Variants in BEST3 observed in about 807,000 individuals in gnomAD.
BEST3 encodes bestrophin 3, also known as bestrophin-3.
A neutral mutation model predicts 47.1 loss-of-function variants in BEST3; 50 were observed. The observed-to-expected ratio is 1.06, with a 90% confidence interval of 0.85 to 1.34. The LOEUF is 1.34. BEST3 is among the 40% of genes most tolerant of loss of function. The pLI is 0.00. For synonymous variants in BEST3, 282 were observed against 298.8 expected (o/e 0.94, Z 0.58); for missense variants, 765 against 817.0 (o/e 0.94, Z 0.78).
chr12:69,694,764 G>A (rs1046967635), intron 2 of BEST3, among the ~76,000 whole-genome samples: 1 of 151,992 alleles, frequency 6.6e-6, no homozygotes, highest in Non-Finnish European at 1.5e-5. Context: ...TTAGAGCAAG[G>A]TATGTTACAA....
At chr12:69,668,591 T>G (rs1884371825) in intron 9 of BEST3, among the ~76,000 whole-genome samples, 1 of 152,216 alleles carries the variant, frequency 6.6e-6, no homozygotes, top group Non-Finnish European at 1.5e-5. Context: ...CTTCTATGAT[T>G]TTAGAGAACA....
chr12:69,678,806 T>C lies in BEST3; in HGVS notation c.569A>G (p.Asn190Ser). The change falls in exon 5 of 10, where the codon AAT (asparagine) becomes AGT (serine). Residue 190 changes from asparagine to serine, a missense_variant. Physicochemically the swap from Asn to Ser is conservative, Grantham distance 46 (BLOSUM62 1). Transcript: ENST00000330891. The stretch of plus-strand genomic sequence containing the variant: ...TTCATTCCGGGCTTTAGTTGCAAGA[T>C]TTCCAAACCAGATGAATGGAACCCA... ...KYWVPFIWFGNLATKARNEGR... is the reference protein window; with the variant it reads ...KYWVPFIWFGSLATKARNEGR... 1 of 1,614,114 alleles carries C rather than the reference T, an allele frequency of 6.2e-7. No homozygotes were observed. Among genetic ancestry groups the C allele is most frequent in the East Asian group, 2.2e-5 (1 of 44,868 alleles).
intron 9 of BEST3, among the ~76,000 whole-genome samples, chr12:69,665,006 G>T (rs1884101948): frequency 6.6e-6 from 1 of 152,198 alleles, no homozygotes; most frequent in African/African-American, 2.4e-5. Flanking sequence ...TCTGCTAAAA[G>T]GGATGCCAAG....
At chr12:69,664,055 T>C (rs1400473565) in intron 9 of BEST3, among the ~76,000 whole-genome samples, 1 of 152,204 alleles carries the variant, frequency 6.6e-6, no homozygotes, top group East Asian at 1.9e-4. Context: ...TAGTAAATGC[T>C]CAAGACTGGC....
chr12:69,681,700 C>T lies in BEST3; in HGVS notation c.482-2807G>A, dbSNP rs537953379. Among the ~76,000 whole-genome samples, 55 of 152,220 alleles carry T rather than the reference C, an allele frequency of 3.6e-4. 1 individual carries two copies. The highest frequency in any genetic ancestry group is 3.4e-3 in the Middle Eastern group (1 of 294). On this transcript the variant is annotated intron_variant, in intron 4 of 9. Transcript: ENST00000330891. ...ATTAAATATGGAGAGGCCTGGACCCCGACCCTGACTACTAAATCAGACTCA... is the reference window on the plus strand; with the variant it reads ...ATTAAATATGGAGAGGCCTGGACCCTGACCCTGACTACTAAATCAGACTCA...
intron 9 of BEST3, among the ~76,000 whole-genome samples, chr12:69,659,110 G>A (rs1005682850): frequency 6.6e-6 from 1 of 152,126 alleles, no homozygotes; most frequent in Admixed American, 6.5e-5. Context: ...TCAGTGCTCT[G>A]GGGGGCAGTT....
intron 7 of BEST3, among the ~76,000 whole-genome samples, chr12:69,676,367 C>T (rs34765929): frequency 0.015 from 2,190 of 150,972 alleles, 33 homozygotes; most frequent in Non-Finnish European, 0.024. Context: ...GCTGAGATTG[C>T]GTTACTGTAC....
chr12:69,697,058 C>G (rs1886157120), intron 2 of BEST3, among the ~76,000 whole-genome samples: 1 of 152,084 alleles, frequency 6.6e-6, no homozygotes, highest in Non-Finnish European at 1.5e-5. Flanking sequence ...GAATAAGCAC[C>G]TCCTTTTGTG....
In BEST3 at chr12:69,697,770, G is replaced by C. The variant is rs758055838; in HGVS notation, c.29C>G (p.Ala10Gly). 6.2e-7 allele frequency: 1 copy of C among 1,612,548 alleles called. No homozygotes were observed. The highest frequency in any genetic ancestry group is 8.5e-7 in the Non-Finnish European group (1 of 1,179,360). ...ATGAAATCCAAAAAAAGTTGCATTT[G>C]CTACTTTACTGGAGTAAGTGACAGT... is the stretch of plus-strand genomic sequence containing the variant. MTVTYSSKVANATFFGFHRL... is the reference protein window; with the variant it reads MTVTYSSKVGNATFFGFHRL... Residue 10 changes from alanine to glycine, a missense_variant, in exon 2 of 10, where the codon GCA becomes GGA. Ala to Gly is a moderately conservative substitution (Grantham distance 60). Coordinates refer to ENST00000330891, the MANE Select transcript of BEST3 (RefSeq NM_032735.3).
chr12:69,651,749 C>T (rs1290482083), downstream of BEST3, among the ~76,000 whole-genome samples: 2 of 142,744 alleles, frequency 1.4e-5, no homozygotes, highest in Admixed American at 1.5e-4. Flanking sequence ...CACTCCAGCT[C>T]TGGGCGACAA....
At chr12:69,674,129 G>T (rs1376715314) in intron 7 of BEST3, among the ~76,000 whole-genome samples, 1 of 151,960 alleles carries the variant, frequency 6.6e-6, no homozygotes, top group Non-Finnish European at 1.5e-5. Context: ...TTTACATTGA[G>T]TCTAGATGGA....
chr12:69,668,102 G>A (rs1884340864), intron 9 of BEST3, among the ~76,000 whole-genome samples: 1 of 152,212 alleles, frequency 6.6e-6, no homozygotes, highest in Non-Finnish European at 1.5e-5. Flanking sequence ...CAGCGCTGTT[G>A]AATGTGCTGG....
chr12:69,699,073 T>C (rs1886230798), intron 1 of BEST3, 132 bp downstream of exon 1: 3 of 435,080 alleles, frequency 6.9e-6, no homozygotes, highest in African/African-American at 2.1e-5. Flanking sequence ...TAGTTTTAAA[T>C]AACAGTCCTT....
rs113091540 is a variant in BEST3 at position 69,682,607 on chromosome 12, C to T, written c.482-3714G>A. On this transcript the variant is annotated intron_variant, in intron 4 of 9. Transcript: ENST00000330891. ...TCAATTTTTAATGGGACAGAGTCTCCGTCTGTCATCCAGACTGGAGTGCAG... is the reference window on the plus strand; with the variant it reads ...TCAATTTTTAATGGGACAGAGTCTCTGTCTGTCATCCAGACTGGAGTGCAG... Among the ~76,000 whole-genome samples the T allele has an allele frequency of 9.0e-3, 1,368 of 152,118 alleles. 24 individuals carry two copies. The highest frequency in any genetic ancestry group is 0.031 in the African/African-American group (1,281 of 41,490).
At chr12:69,689,859 G>A (rs1405010777) in intron 4 of BEST3, among the ~76,000 whole-genome samples, 2 of 152,172 alleles carry the variant, frequency 1.3e-5, no homozygotes, top group East Asian at 3.9e-4. Flanking sequence ...CCCTCAAGCT[G>A]AAACCTCGAA....
At chr12:69,692,630 T>G (rs995428004) in intron 4 of BEST3, among the ~76,000 whole-genome samples, 12 of 152,396 alleles carry the variant, frequency 7.9e-5, no homozygotes, top group Non-Finnish European at 1.3e-4. Context: ...GCTGTGTAAT[T>G]CAGGGCAGGT....
intron 9 of BEST3, among the ~76,000 whole-genome samples, chr12:69,646,730 A>G (rs1269326486): frequency 6.6e-6 from 1 of 152,222 alleles, no homozygotes; most frequent in African/African-American, 2.4e-5. Flanking sequence ...ATGTGACAGA[A>G]ATCTGCCTGT....
At chr12:69,646,762 G>A (rs915800345) in intron 9 of BEST3, among the ~76,000 whole-genome samples, 3 of 152,188 alleles carry the variant, frequency 2.0e-5, no homozygotes, top group African/African-American at 4.8e-5. Flanking sequence ...CTTTAGTTAT[G>A]AAAGTAATCG....
downstream of BEST3, among the ~76,000 whole-genome samples, chr12:69,650,758 T>C (rs2135898602): frequency 6.6e-6 from 1 of 152,186 alleles, no homozygotes; most frequent in East Asian, 1.9e-4. Flanking sequence ...TGGAGACACA[T>C]AATGGGTTAG....
Sources: allele counts gnomAD v4.1 joint callset (sites outside exome capture counted in the v4.1 genomes callset), GRCh38; gene constraint gnomAD v4.1.1; transcripts MANE v1.5; gene names NCBI Gene and HGNC (gene_info 2026-07-23, HGNC 2026-07-21).